Variants in ZNF662 observed in about 807,000 individuals in gnomAD.
The protein encoded by ZNF662 is zinc finger protein 662.
Under a neutral mutation model 12.4 loss-of-function variants are expected in ZNF662, and 14 were observed. That is an observed-to-expected ratio of 1.13 (90% CI 0.75 to 1.77). The LOEUF (loss-of-function observed/expected upper bound fraction) is 1.77, where lower values mean the gene tolerates loss of function less well. ZNF662 is among the 40% of genes most tolerant of loss of function. ZNF662 has a pLI of 0.00. For missense variants in ZNF662, 550 were observed against 515.6 expected (o/e 1.07, Z -0.65); for synonymous variants, 184 against 176.4 (o/e 1.04, Z -0.34).
intron 3 of ZNF662, among the ~76,000 whole-genome samples, chr3:42,912,693 A>ATTTTTATATATATATATT (rs55883208): frequency 1.9e-5 from 1 of 53,094 alleles, no homozygotes; most frequent in Non-Finnish European, 3.1e-5. Flanking sequence ...ATATATATAT[A>ATTTTTATATATATATATT]TTTTATATAT....
In ZNF662 at chr3:42,914,987, CAT is replaced by C. The variant is rs1311456859; in HGVS notation, c.915_916del (p.Cys306Ter). On this transcript the variant is annotated frameshift_variant, in exon 5 of 5. Coordinates refer to ENST00000440367, the MANE Select transcript of ZNF662 (RefSeq NM_207404.4). LOFTEE classifies it low-confidence loss of function (END_TRUNC). ...ATCCACACTGGTGAGAAACCATACACATGTAAGGAATGTGGGAAAAGCTTTAC... is the reference window on the plus strand; with the variant it reads ...ATCCACACTGGTGAGAAACCATACACGTAAGGAATGTGGGAAAAGCTTTAC... 1.2e-6 allele frequency: 2 copies of C among 1,613,818 alleles called. No homozygotes were observed. Among genetic ancestry groups the C allele is most frequent in the African/African-American group, 1.3e-5 (1 of 74,822 alleles).
rs779810259 is a variant in ZNF662 at position 42,914,601 on chromosome 3, T to G, written c.528T>G (p.Asn176Lys). Residue 176 changes from asparagine to lysine, a missense_variant, in exon 5 of 5, where the codon AAT becomes AAG. By Grantham distance (94) the Asn-to-Lys change is moderately conservative (BLOSUM62 0). Transcript: ENST00000440367. Reference protein sequence around the residue: ...VEESSGNTDVNNLLGIHHKIL... With the variant: ...VEESSGNTDVKNLLGIHHKIL... The stretch of plus-strand genomic sequence containing the variant: ...AGAGTTCAGGGAATACTGATGTCAA[T>G]AACCTCCTTGGTATACATCACAAAA... 2.5e-6 allele frequency: 4 copies of G among 1,614,160 alleles called. No homozygotes were observed. Among genetic ancestry groups the G allele is most frequent in the Non-Finnish European group, 3.4e-6 (4 of 1,180,018 alleles).
At chr3:42,912,458 ATG>A (rs1293005700) in intron 3 of ZNF662, among the ~76,000 whole-genome samples, 1 of 83,176 alleles carries the variant, frequency 1.2e-5, no homozygotes, top group Non-Finnish European at 2.1e-5. Context: ...TATATATTAT[ATG>A]TTATAATATA....
intron 3 of ZNF662, among the ~76,000 whole-genome samples, chr3:42,912,388 AAT>A (rs1216315710): frequency 5.0e-5 from 5 of 99,390 alleles, no homozygotes; most frequent in Admixed American, 1.7e-4. Context: ...AAATATATAT[AAT>A]ATATATTTAT....
In ZNF662 at chr3:42,913,276, G is replaced by T. The variant is rs780499148; in HGVS notation, c.227G>T (p.Gly76Val). Residue 76 changes from glycine to valine, a missense_variant, in exon 4 of 5, where the codon GGA becomes GTA. Coordinates refer to ENST00000440367, the MANE Select transcript of ZNF662 (RefSeq NM_207404.4). The stretch of plus-strand genomic sequence containing the variant: ...GAGCCATTAAACCTGAAACTGCAAG[G>T]AGAGGGTCCAAGCCTGATTTGTCCG... ...VEEPLNLKLQ[G>V]EGPSLICPEG... The T allele has an allele frequency of 6.2e-7, 1 of 1,613,966 alleles. No individual in the cohort carries two copies. The highest frequency in any genetic ancestry group is 8.5e-7 in the Non-Finnish European group (1 of 1,179,904).
At chr3:42,909,937 T>C (rs1388060279) in intron 3 of ZNF662, among the ~76,000 whole-genome samples, 2 of 151,156 alleles carry the variant, frequency 1.3e-5, no homozygotes, top group Non-Finnish European at 3.0e-5. Context: ...CGCTCCTCAC[T>C]TCCTAGACGG....
chr3:42,912,388 A>C lies in ZNF662; in HGVS notation c.152-813A>C, dbSNP rs1219819354. On this transcript the variant is annotated intron_variant, in intron 3 of 4. Transcript: ENST00000440367. The stretch of plus-strand genomic sequence containing the variant: ...TATATATGATATATTAAATATATAT[A>C]ATATATATTTATATATTATATATTA... 6.0e-5 allele frequency among the ~76,000 whole-genome samples: 6 copies of C among 99,368 alleles called. No individual in the cohort carries two copies. In the East Asian group the frequency reaches 8.4e-4, roughly 14 times the overall value. 65.2% of individuals were successfully genotyped at this position (99,368 alleles called of 152,430 possible).
rs2088889866 is a variant in ZNF662, at chr3:42,915,641, T to TC, written c.*287_*288insC. The TC allele has an allele frequency of 3.4e-6, 1 of 294,194 alleles. No homozygotes were observed. Among genetic ancestry groups the TC allele is most frequent in the African/African-American group, 2.2e-5 (1 of 46,402 alleles). The allele number at this position is 294,194 out of a possible 1,614,324, so 18.2% of individuals were successfully genotyped here. On this transcript the variant is annotated 3_prime_UTR_variant, in exon 5 of 5. Coordinates refer to ENST00000440367, the MANE Select transcript of ZNF662 (RefSeq NM_207404.4). ...TAAGGTAGGTGCTCTTCTCCCCATT[T>TC]TACAAATGAGAAATCTGAGTTGAAA...
chr3:42,912,343 T>G (rs2125644875), intron 3 of ZNF662, among the ~76,000 whole-genome samples: 1 of 107,538 alleles, frequency 9.3e-6, no homozygotes, highest in South Asian at 2.5e-4. Flanking sequence ...ATATGATATA[T>G]ATCATATATA....
intron 2 of ZNF662, chr3:42,908,486 A>G: frequency 1.6e-6 from 2 of 1,231,404 alleles, no homozygotes; most frequent in Non-Finnish European, 2.0e-6. Flanking sequence ...AAGCATCCTC[A>G]TGAGGATGTC....
rs1161126505 is a variant in ZNF662 at position 42,913,214 on chromosome 3, A to G, written c.165A>G (p.Leu55=). The G allele has an allele frequency of 6.2e-7, 1 of 1,613,776 alleles. No individual in the cohort carries two copies. Among genetic ancestry groups the G allele is most frequent in the Admixed American group, 1.7e-5 (1 of 60,008 alleles). ...PRGISSGYPF[L]KPAGISHPEQ... is the part of the protein sequence containing the mutation. Reference sequence around the variant, plus strand: ...TGACCCTGGCAGGATATCCATTTCTAAAGCCTGCTGGGATTTCCCATCCTG... The same window carrying G: ...TGACCCTGGCAGGATATCCATTTCTGAAGCCTGCTGGGATTTCCCATCCTG... The change falls in exon 4 of 5, where the codon CTA becomes CTG. Residue 55 remains leucine (L), a synonymous_variant. Transcript: ENST00000440367.
At position 42,914,785 on chromosome 3, in the gene ZNF662, C is replaced by T. The variant is rs2088878649; in HGVS notation, c.712C>T (p.His238Tyr). 1.2e-6 allele frequency: 2 copies of T among 1,613,958 alleles called. No homozygotes were observed. Among genetic ancestry groups the T allele is most frequent in the Non-Finnish European group, 8.5e-7 (1 of 1,179,994 alleles). ...CAGTTTTCGATCACATTGCATTGCA[C>T]ATCAGAGAATTCACAGTGGGGTGAA... ...AFSFRSHCIA[H>Y]QRIHSGVKPY... Residue 238 changes from histidine to tyrosine, a missense_variant, in exon 5 of 5, where the codon CAT (histidine) becomes TAT (tyrosine). Physicochemically the swap from His to Tyr is moderately conservative, Grantham distance 83. Coordinates refer to ENST00000440367, the MANE Select transcript of ZNF662 (RefSeq NM_207404.4).
intron 2 of ZNF662, 94 bp downstream of exon 2, chr3:42,908,242 C>A (rs1407142227): frequency 1.3e-6 from 2 of 1,502,134 alleles, no homozygotes; most frequent in Non-Finnish European, 1.8e-6. Context: ...TAACCCTCAG[C>A]TCAATGGCAG....
At chr3:42,913,564 T>C (rs1397336766) in intron 4 of ZNF662, among the ~76,000 whole-genome samples, 1 of 152,204 alleles carries the variant, frequency 6.6e-6, no homozygotes, top group East Asian at 1.9e-4. Flanking sequence ...ATCTAGCTGC[T>C]ATGATCACCC....
chr3:42,906,179 C>A lies in ZNF662; in HGVS notation c.-94+11C>A. On this transcript the variant is annotated intron_variant, in intron 1 of 4. Coordinates refer to ENST00000440367, the MANE Select transcript of ZNF662 (RefSeq NM_207404.4). The surrounding 1 kb of genome is among the most constrained non-coding windows in gnomAD (Gnocchi z 4.4). ...GCTGGGGCCTGGCGGGTGTGGAGCA[C>A]GGGGAGTCGGGCGTGGGGCGGGCAG... 1.7e-6 allele frequency: 1 copy of A among 584,588 alleles called. No homozygotes were observed. Among genetic ancestry groups the A allele is most frequent in the Non-Finnish European group, 2.9e-6 (1 of 350,538 alleles). 36.2% of individuals were successfully genotyped at this position (584,588 alleles called of 1,614,324 possible).
intron 3 of ZNF662, 80 bp downstream of exon 3, chr3:42,908,989 T>A (rs1468925082): frequency 2.1e-6 from 2 of 946,368 alleles, no homozygotes; most frequent in African/African-American, 1.7e-5. Flanking sequence ...GGTGTTTTTT[T>A]AATCTAGTGT....
intron 3 of ZNF662, among the ~76,000 whole-genome samples, chr3:42,909,273 G>C (rs2088734580): frequency 6.6e-6 from 1 of 152,092 alleles, no homozygotes; most frequent in Admixed American, 6.5e-5. Flanking sequence ...GACTCTTAAC[G>C]AGCATGCTTC....
Position 42,917,694 on chromosome 3 carries a change from G to T in ZNF662, c.*2340G>T. The T allele has an allele frequency of 1.6e-6, 1 of 621,672 alleles. No individual in the cohort carries two copies. Among genetic ancestry groups the T allele is most frequent in the Non-Finnish European group, 2.8e-6 (1 of 351,056 alleles). 38.5% of individuals were successfully genotyped at this position (621,672 alleles called of 1,614,324 possible). On this transcript the variant is annotated 3_prime_UTR_variant, in exon 5 of 5. Coordinates refer to ENST00000440367, the MANE Select transcript of ZNF662 (RefSeq NM_207404.4). ...AACTTAGCCACACTAATACTGTTTT[G>T]TGTTTGAAATCACTGTTTTCTCATA...
At chr3:42,908,510 T>C (rs2088716431) in intron 2 of ZNF662, 13 of 1,262,992 alleles carry the variant, frequency 1.0e-5, no homozygotes, top group Non-Finnish European at 1.2e-5. Context: ...ACTTGAGAGC[T>C]CTAAGAGGGA....
Sources: allele counts gnomAD v4.1 joint callset (sites outside exome capture counted in the v4.1 genomes callset), GRCh38; gene constraint gnomAD v4.1.1; non-coding constraint Gnocchi (gnomAD v3.1); transcripts MANE v1.5; gene names NCBI Gene and HGNC (gene_info 2026-07-23, HGNC 2026-07-21).